USP28: variants seen among roughly 807,000 people sequenced by gnomAD.
The protein encoded by USP28 is ubiquitin carboxyl-terminal hydrolase 28.
A neutral mutation model predicts 145.0 loss-of-function variants in USP28; 113 were observed. That is an observed-to-expected ratio of 0.78 (90% CI 0.67 to 0.91). The LOEUF (loss-of-function observed/expected upper bound fraction) is 0.91, where lower values mean the gene tolerates loss of function less well. USP28 is among the 40% of genes least tolerant of loss of function. The pLI is 0.00. For synonymous variants in USP28, 447 were observed against 450.9 expected, an observed-to-expected ratio of 0.99 and a Z score of 0.11; for missense variants, 1,201 against 1,289.6, an observed-to-expected ratio of 0.93 and a Z score of 1.05.
At chr11:113,849,466 G>A (rs971928245) in intron 3 of USP28, among the ~76,000 whole-genome samples, 3 of 152,170 alleles carry the variant, frequency 2.0e-5, no homozygotes, top group South Asian at 4.1e-4. Context: ...ATAAAAGCCC[G>A]TGTTAGGCTT....
exon 3 of USP28, chr11:113,852,621 C>T (rs745596210): frequency 1.9e-6 from 3 of 1,614,088 alleles, no homozygotes; most frequent in South Asian, 2.2e-5. Flanking sequence ...TGAGTAATGT[C>T]ACCATTACTG....
At chr11:113,809,970 G>A (rs1940689305) in intron 16 of USP28, among the ~76,000 whole-genome samples, 1 of 150,706 alleles carries the variant, frequency 6.6e-6, no homozygotes, top group Non-Finnish European at 1.5e-5. Flanking sequence ...GGGAGGAGGA[G>A]GTTGCAGTAA....
intron 24 of USP28, among the ~76,000 whole-genome samples, chr11:113,800,131 A>G (rs10891597): frequency 0.78 from 118,043 of 151,114 alleles, 46,531 homozygotes; most frequent in East Asian, 0.88. Flanking sequence ...TCAGCCTCCC[A>G]AGTAGCTGGG....
chr11:113,798,983 A>T (rs570439357), exon 25 of USP28: 67 of 297,692 alleles, frequency 2.3e-4, no homozygotes, highest in African/African-American at 1.4e-3. Flanking sequence ...GGTACAAGGC[A>T]TTTCAGGTCT....
chr11:113,802,566 G>A (rs969289439), intron 23 of USP28, among the ~76,000 whole-genome samples: 1 of 152,152 alleles, frequency 6.6e-6, no homozygotes, highest in Non-Finnish European at 1.5e-5. Context: ...GGGAGGCAAG[G>A]GGATGTAGGT....
chr11:113,803,777 T>C, intron 22 of USP28, 21 bp downstream of exon 23: 1 of 1,603,694 alleles, frequency 6.2e-7, no homozygotes, highest in South Asian at 1.1e-5. Flanking sequence ...ATAATCTTGG[T>C]AAAATAAAAG....
At chr11:113,824,203 C>T (rs1018343743) in intron 11 of USP28, among the ~76,000 whole-genome samples, 1 of 152,098 alleles carries the variant, frequency 6.6e-6, no homozygotes, top group African/African-American at 2.4e-5. Flanking sequence ...CAAACATGTG[C>T]AAGACCTGTA....
intron 2 of USP28, among the ~76,000 whole-genome samples, chr11:113,853,301 CAAAAAAAAAAA>C (rs35806711): frequency 1.8e-5 from 1 of 54,946 alleles, no homozygotes; most frequent in Admixed American, 3.0e-4. Flanking sequence ...TCTCCTGTCT[CAAAAAAAAAAA>C]AAAAAAAAAA....
At chr11:113,854,125 C>A (rs1946781947) in intron 2 of USP28, 133 bp downstream of exon 2, 6 of 752,012 alleles carry the variant, frequency 8.0e-6, no homozygotes, top group Admixed American at 5.0e-5. Context: ...GACATTGGGT[C>A]AGTCATTTGA....
intron 1 of USP28, among the ~76,000 whole-genome samples, 161 bp downstream of exon 1, chr11:113,875,284 C>G (rs1242254691): frequency 1.3e-5 from 2 of 151,948 alleles, no homozygotes; most frequent in Non-Finnish European, 2.9e-5. Flanking sequence ...CCGAGCCCCG[C>G]AGAGCCCTTG....
At chr11:113,808,479 A>G in intron 17 of USP28, 42 bp from the exon 18 acceptor site, 1 of 1,606,820 alleles carries the variant, frequency 6.2e-7, no homozygotes, top group South Asian at 1.1e-5. Context: ...CTAATGATAA[A>G]TAGTCTAGAA....
chr11:113,839,663 C>T (rs947370122), intron 5 of USP28, among the ~76,000 whole-genome samples: 69 of 152,106 alleles, frequency 4.5e-4, no homozygotes, highest in Middle Eastern at 3.4e-3. Context: ...CTGAGGCGGG[C>T]GGAACACCTG....
intron 17 of USP28, among the ~76,000 whole-genome samples, 159 bp from the exon 18 acceptor site, chr11:113,808,596 A>G (rs1310885759): frequency 6.6e-6 from 1 of 152,224 alleles, no homozygotes; most frequent in African/African-American, 2.4e-5. Context: ...TAATAACTAT[A>G]AGAAATGGCT....
At position 113,875,538 on chromosome 11, in the gene USP28, C is replaced by T; in HGVS notation, c.-37G>A. 5 of 1,137,526 alleles carry T rather than the reference C, an allele frequency of 4.4e-6. No homozygotes were observed. In the South Asian group the frequency reaches 1.2e-4, roughly 28 times the overall value. 70.5% of individuals were successfully genotyped at this position (1,137,526 alleles called of 1,614,324 possible). A position where few individuals can be genotyped will look rare whatever the true frequency, so the allele number is the denominator to read the frequency against. Reference sequence around the variant, plus strand: ...CCAGCCGCGGGTCACCGGTCTCCCGCCGCAGCCGCCGCCGGCCCAGCCTCT... The same window carrying T: ...CCAGCCGCGGGTCACCGGTCTCCCGTCGCAGCCGCCGCCGGCCCAGCCTCT... On this transcript the variant is annotated 5_prime_UTR_variant, in exon 1 of 25. Transcript: ENST00000003302.
At chr11:113,819,165 T>C (rs1171863760) in intron 12 of USP28, among the ~76,000 whole-genome samples, 3 of 151,232 alleles carry the variant, frequency 2.0e-5, no homozygotes, top group Non-Finnish European at 4.4e-5. Context: ...CAGGCTGGAG[T>C]GCAGCGGCAC....
At chr11:113,832,049 A>G in intron 7 of USP28, 56 bp from the exon 8 acceptor site, 5 of 1,397,358 alleles carry the variant, frequency 3.6e-6, no homozygotes, top group Middle Eastern at 3.6e-4. Context: ...GAGAAATTAA[A>G]ATTTATCCTT....
intron 5 of USP28, among the ~76,000 whole-genome samples, chr11:113,835,766 C>T (rs976039686): frequency 5.9e-5 from 9 of 152,328 alleles, no homozygotes; most frequent in Middle Eastern, 3.4e-3. Flanking sequence ...TCAGGAAAAT[C>T]GGGCTTTGCC....
intron 1 of USP28, chr11:113,874,958 G>C: frequency 1.0e-6 from 1 of 978,394 alleles, no homozygotes; most frequent in Non-Finnish European, 1.2e-6. Context: ...GGAAGTGGTG[G>C]TAACTGGGAC....
chr11:113,829,205 C>T (rs770297966), exon 10 of USP28: 1 of 1,613,740 alleles, frequency 6.2e-7, no homozygotes, highest in African/African-American at 1.3e-5. Context: ...ACCTCTTGTC[C>T]ATACTTCACC....
Sources: gnomAD v4.1 joint callset for allele counts (sites outside exome capture counted in the v4.1 genomes callset) on GRCh38, gnomAD v4.1.1 for gene constraint, MANE v1.5 for transcripts, NCBI Gene and HGNC (gene_info 2026-07-23, HGNC 2026-07-21) for gene names.